FERMT3: variants seen among roughly 807,000 people sequenced by gnomAD.
FERMT3 encodes FERM domain containing kindlin 3.
FERMT3 carries 33 observed loss-of-function variants against 80.8 expected under a neutral mutation model. The ratio of observed to expected loss-of-function variants is 0.41; its 90% confidence interval spans 0.31 to 0.55. The LOEUF is 0.55. FERMT3 is among the 20% of genes least tolerant of loss of function. The probability of loss-of-function intolerance (pLI) is 0.31; values close to 1 mark genes in which losing one functional copy is unlikely to be tolerated. For synonymous variants in FERMT3, 375 were observed against 372.2 expected (o/e 1.01, Z -0.09); for missense variants, 754 against 908.7 (o/e 0.83, Z 2.19).
chr11:64,208,793 C>T (rs1291552512), intron 2 of FERMT3, among the ~76,000 whole-genome samples: 2 of 152,014 alleles, frequency 1.3e-5, no homozygotes, highest in South Asian at 2.1e-4. Flanking sequence ...ATGCTGGGAG[C>T]GTGACCAGAA....
At chr11:64,207,138 C>CTACAT (rs1383929100) in intron 1 of FERMT3, among the ~76,000 whole-genome samples, 1 of 152,198 alleles carries the variant, frequency 6.6e-6, no homozygotes, top group Non-Finnish European at 1.5e-5. Flanking sequence ...GCGGATTGGA[C>CTACAT]TACATGGTCT....
chr11:64,214,001 C>G (rs1946497248), intron 6 of FERMT3, among the ~76,000 whole-genome samples: 1 of 152,222 alleles, frequency 6.6e-6, no homozygotes, highest in Admixed American at 6.5e-5. Flanking sequence ...ACAATACACA[C>G]ATTTCCTTGC....
intron 14 of FERMT3, 58 bp from the exon 15 acceptor site, chr11:64,223,255 T>C: frequency 6.2e-7 from 1 of 1,612,958 alleles, no homozygotes; most frequent in Non-Finnish European, 8.5e-7. Flanking sequence ...CCAGCCAGGG[T>C]GGGGCAGGGG....
chr11:64,210,995 T>G lies in FERMT3; in HGVS notation c.395-57T>G. On this transcript the variant is annotated intron_variant, in intron 3 of 14. Coordinates refer to ENST00000345728, the MANE Select transcript of FERMT3 (RefSeq NM_031471.6). The surrounding 1 kb of genome is among the most constrained non-coding windows in gnomAD (Gnocchi z 4.3). The stretch of plus-strand genomic sequence containing the variant: ...GTGACCCGCCCCAAGCACCCATGGG[T>G]GAGGTGGGGAGGCTGCAGCAGGACC... The G allele has an allele frequency of 3.1e-6, 5 of 1,608,338 alleles. No individual in the cohort carries two copies. The highest frequency in any genetic ancestry group is 4.2e-6 in the Non-Finnish European group (5 of 1,177,770).
chr11:64,216,559 G>T (rs1591034472), intron 6 of FERMT3, among the ~76,000 whole-genome samples: 1 of 147,858 alleles, frequency 6.8e-6, no homozygotes, highest in South Asian at 2.1e-4. Flanking sequence ...CACTTTGGGA[G>T]GCCAAGGAGG....
At position 64,211,241 on chromosome 11, in the gene FERMT3, G is replaced by C; in HGVS notation, c.515-34G>C. 6.2e-7 allele frequency: 1 copy of C among 1,612,230 alleles called. No homozygotes were observed. The highest frequency in any genetic ancestry group is 1.7e-4 in the Middle Eastern group (1 of 6,042). On this transcript the variant is annotated intron_variant, in intron 4 of 14. Transcript: ENST00000345728. This position sits in a 1 kb window ranked among gnomAD's most constrained non-coding sequence, Gnocchi z 4.7. ...CGGCCCGTGAGTCCCAGCCCTGGGG[G>C]ACAGGCCTGGTTGACTCCCAACCTG...
At position 64,223,547 on chromosome 11, in the gene FERMT3, C is replaced by G. The variant is rs927952460; in HGVS notation, c.*55C>G. 15 of 1,555,546 alleles carry G rather than the reference C, an allele frequency of 9.6e-6. No homozygotes were observed. The highest frequency in any genetic ancestry group is 8.7e-6 in the Non-Finnish European group (10 of 1,153,594). On this transcript the variant is annotated 3_prime_UTR_variant, in exon 15 of 15. Coordinates refer to ENST00000345728, the MANE Select transcript of FERMT3 (RefSeq NM_031471.6). ...CCACCCTGTCACAGCCACTCCCAAG[C>G]CCACACCCACAGGGGCTCACTGCCC...
chr11:64,219,574 C>G lies in FERMT3; in HGVS notation c.945C>G (p.Gly315=). The part of the protein sequence containing the change: ...SQSGEVGEPA[G]TDPGLDDLDV... ...GCGGGGAGGTGGGGGAGCCGGCTGG[C>G]ACAGACCCAGGGCTGGACGACCTGG... The change falls in exon 8 of 15, where the codon GGC becomes GGG. Residue 315 remains glycine, a synonymous_variant. Transcript: ENST00000345728. The surrounding 1 kb of genome is among the most constrained non-coding windows in gnomAD (Gnocchi z 4.0). 1 of 1,612,352 alleles carries G rather than the reference C, an allele frequency of 6.2e-7. No homozygotes were observed. Among genetic ancestry groups the G allele is most frequent in the Non-Finnish European group, 8.5e-7 (1 of 1,179,880 alleles).
Position 64,223,752 on chromosome 11 carries a change from C to G in FERMT3, c.*260C>G. On this transcript the variant is annotated 3_prime_UTR_variant, in exon 15 of 15. Transcript: ENST00000345728. ...GTCTGAGTGGCTGAGGCTGATACCC[C>G]TGACCTATCTGCAGTCCCCCAGCAC... The G allele has an allele frequency of 1.2e-6, 1 of 802,676 alleles. No individual in the cohort carries two copies. Among genetic ancestry groups the G allele is most frequent in the East Asian group, 2.6e-5 (1 of 37,762 alleles). The allele number at this position is 802,676 out of a possible 1,614,324, so 49.7% of individuals were successfully genotyped here. A position where few individuals can be genotyped will look rare whatever the true frequency, so the allele number is the denominator to read the frequency against.
intron 6 of FERMT3, among the ~76,000 whole-genome samples, chr11:64,212,135 G>T (rs1423782203): frequency 1.3e-5 from 2 of 152,182 alleles, no homozygotes; most frequent in Non-Finnish European, 2.9e-5. Flanking sequence ...CCTGGAGGGG[G>T]CACCATTAGG....
intron 6 of FERMT3, among the ~76,000 whole-genome samples, chr11:64,218,713 C>T (rs1946606318): frequency 6.6e-6 from 1 of 152,224 alleles, no homozygotes; most frequent in African/African-American, 2.4e-5. Flanking sequence ...CTCTTGGAGT[C>T]TCTGCCTTCC....
At chr11:64,212,720 G>T (rs1312302632) in intron 6 of FERMT3, among the ~76,000 whole-genome samples, 1 of 151,686 alleles carries the variant, frequency 6.6e-6, no homozygotes, top group Non-Finnish European at 1.5e-5. Flanking sequence ...ATGGCCTCTC[G>T]GTGTTGGTGA....
chr11:64,222,965 C>T lies in FERMT3; in HGVS notation c.1671-83C>T, dbSNP rs1268557084. Reference sequence around the variant, plus strand: ...GAGCTGCAGTCGGGAAGGGCTGGCTCTCCAGCACGGCGCCACATTGTCTGG... The same window carrying T: ...GAGCTGCAGTCGGGAAGGGCTGGCTTTCCAGCACGGCGCCACATTGTCTGG... On this transcript the variant is annotated intron_variant, in intron 13 of 14. Coordinates refer to ENST00000345728, the MANE Select transcript of FERMT3 (RefSeq NM_031471.6). 50 of 1,586,358 alleles carry T rather than the reference C, an allele frequency of 3.2e-5. No individual in the cohort carries two copies. The South Asian group carries it at 5.0e-4, about 16-fold the overall frequency.
At chr11:64,220,739 C>A (rs1946663475) in intron 12 of FERMT3, 70 bp downstream of exon 12, 37 of 1,428,646 alleles carry the variant, frequency 2.6e-5, no homozygotes, top group Non-Finnish European at 3.4e-5. Context: ...TGGGTCTCCA[C>A]AGAGCCTTCC....
rs369873469 is a variant in FERMT3, at chr11:64,207,562, T to C, written c.160+38T>C. ...TGCCCGCTTGCTGAACTCGGCACCA[T>C]GGGCGGCCGCCACGGGTGTCTCTGG... is the stretch of plus-strand genomic sequence containing the variant. On this transcript the variant is annotated intron_variant, in intron 2 of 14. Coordinates refer to ENST00000345728, the MANE Select transcript of FERMT3 (RefSeq NM_031471.6). The C allele has an allele frequency of 3.2e-6, 5 of 1,573,682 alleles. No individual in the cohort carries two copies. In the African/African-American group the frequency reaches 5.4e-5, roughly 17 times the overall value.
rs368362418 is a variant in FERMT3, at chr11:64,211,029, G to A, written c.395-23G>A. 3.1e-5 allele frequency: 49 copies of A among 1,606,342 alleles called. No individual in the cohort carries two copies. In the African/African-American group the frequency reaches 4.2e-4, roughly 14 times the overall value. Reference sequence around the variant, plus strand: ...GAGGCTGCAGCAGGACCTAGTCCCCGCTGAGACCCTAGCTCCCCTCAGGCA... The same window carrying A: ...GAGGCTGCAGCAGGACCTAGTCCCCACTGAGACCCTAGCTCCCCTCAGGCA... On this transcript the variant is annotated intron_variant, in intron 3 of 14. Coordinates refer to ENST00000345728, the MANE Select transcript of FERMT3 (RefSeq NM_031471.6). The surrounding 1 kb of genome is among the most constrained non-coding windows in gnomAD (Gnocchi z 4.7).
intron 10 of FERMT3, 27 bp downstream of exon 10, chr11:64,220,042 TG>T (rs770751969): frequency 1.9e-6 from 3 of 1,611,108 alleles, no homozygotes; most frequent in Non-Finnish European, 2.5e-6. Context: ...AGGGGCTGGG[TG>T]GGGGGATCCC....
chr11:64,207,281 G>A (rs780510954), intron 1 of FERMT3, 70 bp from the exon 2 acceptor site: 8 of 1,591,934 alleles, frequency 5.0e-6, no homozygotes, highest in East Asian at 2.2e-5. Context: ...GGGCATCACA[G>A]AGCTCTTCTG....
At position 64,219,850 on chromosome 11, in the gene FERMT3, G is replaced by A. The variant is rs199626623; in HGVS notation, c.1080-41G>A. On this transcript the variant is annotated intron_variant, in intron 9 of 14. Coordinates refer to ENST00000345728, the MANE Select transcript of FERMT3 (RefSeq NM_031471.6). The surrounding 1 kb of genome is among the most constrained non-coding windows in gnomAD (Gnocchi z 4.0). ...GGGGTTGGTCTGCATATGGAGGGAGGGGGTGAGGCGGCCTTTCACAAACCC... is the reference window on the plus strand; with the variant it reads ...GGGGTTGGTCTGCATATGGAGGGAGAGGGTGAGGCGGCCTTTCACAAACCC... The A allele has an allele frequency of 5.6e-6, 9 of 1,613,852 alleles. No individual in the cohort carries two copies. Among genetic ancestry groups the A allele is most frequent in the Non-Finnish European group, 6.8e-6 (8 of 1,179,986 alleles).
Sources: gnomAD v4.1 joint callset for allele counts (sites outside exome capture counted in the v4.1 genomes callset) on GRCh38, gnomAD v4.1.1 for gene constraint, Gnocchi (gnomAD v3.1) non-coding constraint, MANE v1.5 for transcripts, NCBI Gene and HGNC (gene_info 2026-07-23, HGNC 2026-07-21) for gene names.